PIGN: variants seen among roughly 807,000 people sequenced by gnomAD.
PIGN encodes phosphatidylinositol glycan anchor biosynthesis class N, also known as GPI ethanolamine phosphate transferase 1.
Under a neutral mutation model 125.4 loss-of-function variants are expected in PIGN, and 117 were observed. The observed-to-expected ratio is 0.93, with a 90% CI of 0.80 to 1.09. The LOEUF (loss-of-function observed/expected upper bound fraction) is 1.09, where lower values mean the gene tolerates loss of function less well. Ranked by LOEUF, PIGN falls within the 50% of genes least tolerant of loss-of-function variation. PIGN has a pLI of 0.00. For synonymous variants in PIGN, 392 were observed against 377.8 expected, an observed-to-expected ratio of 1.04 and a Z score of -0.44; for missense variants, 1,075 against 1,094.9, an observed-to-expected ratio of 0.98 and a Z score of 0.26.
At chr18:62,103,001 A>G (rs1361667529) in intron 20 of PIGN, 99 bp from the exon 21 acceptor site, 4 of 536,494 alleles carry the variant, frequency 7.5e-6, no homozygotes, top group African/African-American at 5.9e-5. Context: ...AGAACCTCTC[A>G]GTCATTTGGC....
rs114669080 is a variant in PIGN, at chr18:62,025,547, C to T, written c.2143-7806G>A. ...CAGCCAGGGACTATTTCACAAAAGACGTTACATGCCATGCTTAGCACTCCC... is the reference window on the plus strand; with the variant it reads ...CAGCCAGGGACTATTTCACAAAAGATGTTACATGCCATGCTTAGCACTCCC... On this transcript the variant is annotated intron_variant, in intron 23 of 24. Coordinates refer to the PIGN transcript ENST00000639600. Among the ~76,000 whole-genome samples the T allele has an allele frequency of 7.4e-3, 1,120 of 152,276 alleles. 18 individuals are homozygous for T. Among genetic ancestry groups the T allele is most frequent in the African/African-American group, 0.025 (1,055 of 41,556 alleles).
intron 23 of PIGN, among the ~76,000 whole-genome samples, chr18:62,028,014 A>C (rs2030147083): frequency 1.3e-5 from 2 of 152,256 alleles, no homozygotes; most frequent in Admixed American, 6.5e-5. Flanking sequence ...ATCAGCATAC[A>C]GTGCATTCCA....
chr18:62,036,752 C>G (rs1256125993), downstream of PIGN, among the ~76,000 whole-genome samples: 2 of 152,182 alleles, frequency 1.3e-5, no homozygotes, highest in Non-Finnish European at 2.9e-5. Flanking sequence ...TGAAAGAATC[C>G]TTATCTTAGC....
rs1395030519 is a variant in PIGN at position 62,167,654 on chromosome 18, A to C, written c.-235-3998T>G. Among the ~76,000 whole-genome samples, 13 of 138,968 alleles carry C rather than the reference A, an allele frequency of 9.4e-5. 1 individual carries two copies. The South Asian group carries it at 2.6e-3, about 27-fold the overall frequency. The allele number at this position is 138,968 out of a possible 152,430, so 91.2% of individuals were successfully genotyped here. ...CTCAAAAAAAAAAAACAAAAAAAAAACAAAGTTATATGTCTCCATAACACA... is the reference window on the plus strand; with the variant it reads ...CTCAAAAAAAAAAAACAAAAAAAAACCAAAGTTATATGTCTCCATAACACA... On this transcript the variant is annotated intron_variant, in intron 1 of 30. Transcript: ENST00000640252.
intron 8 of PIGN, among the ~76,000 whole-genome samples, chr18:62,147,324 G>C (rs1010289047): frequency 2.6e-5 from 4 of 152,142 alleles, no homozygotes; most frequent in African/African-American, 9.7e-5. Context: ...AAAAGGAGGG[G>C]AATGATTAAC....
chr18:62,181,248 C>G (rs942910727), intron 1 of PIGN, among the ~76,000 whole-genome samples: 3 of 152,022 alleles, frequency 2.0e-5, no homozygotes, highest in Non-Finnish European at 4.4e-5. Context: ...TAATGAAATA[C>G]CATATTTCTG....
intron 25 of PIGN, among the ~76,000 whole-genome samples, 161 bp from the exon 26 acceptor site, chr18:62,085,425 A>T (rs930551467): frequency 6.6e-6 from 1 of 152,168 alleles, no homozygotes; most frequent in African/African-American, 2.4e-5. Flanking sequence ...TTGTGAATGC[A>T]TTTTAAAACA....
chr18:62,047,852 A>T (rs941266999), intron 30 of PIGN, among the ~76,000 whole-genome samples: 1 of 152,228 alleles, frequency 6.6e-6, no homozygotes, highest in African/African-American at 2.4e-5. Context: ...ACTGATATCA[A>T]AACCTAAATA....
chr18:62,061,519 AAAAAAAAAAAAAAAAAAAAT>A (rs2032135648), intron 30 of PIGN, among the ~76,000 whole-genome samples: 1 of 71,214 alleles, frequency 1.4e-5, no homozygotes, highest in Non-Finnish European at 3.2e-5. Context: ...CTCAAAAAAA[AAAAAAAAAAAAAAAAAAAAT>A]GCAATAAAAT....
chr18:62,089,444 T>A (rs756800174), intron 24 of PIGN, among the ~76,000 whole-genome samples: 6 of 152,144 alleles, frequency 3.9e-5, no homozygotes, highest in Non-Finnish European at 7.4e-5. Flanking sequence ...CTACTTCCCA[T>A]GTAATTTTCT....
chr18:62,120,941 G>A (rs940503506), intron 14 of PIGN, among the ~76,000 whole-genome samples: 2 of 152,076 alleles, frequency 1.3e-5, no homozygotes, highest in African/African-American at 4.8e-5. Flanking sequence ...AGTCAATTAT[G>A]TGCTACTTAC....
At position 62,076,224 on chromosome 18, in the gene PIGN, C is replaced by G. The variant is rs903867368; in HGVS notation, c.2577-1403G>C. Reference sequence around the variant, plus strand: ...CTGGGATTACAGGCATGAGCCACCACGCCCAACCCATTGTGGTTTTACATG... The same window carrying G: ...CTGGGATTACAGGCATGAGCCACCAGGCCCAACCCATTGTGGTTTTACATG... On this transcript the variant is annotated intron_variant, in intron 28 of 30. Coordinates refer to ENST00000640252, the MANE Select transcript of PIGN (RefSeq NM_176787.5). Among the ~76,000 whole-genome samples, 10 of 152,328 alleles carry G rather than the reference C, an allele frequency of 6.6e-5. No homozygotes were observed. In the South Asian group the frequency reaches 2.1e-3, roughly 32 times the overall value.
intron 14 of PIGN, among the ~76,000 whole-genome samples, chr18:62,134,749 A>T (rs928944823): frequency 6.6e-6 from 1 of 152,256 alleles, no homozygotes; most frequent in Non-Finnish European, 1.5e-5. Flanking sequence ...GATCCACATG[A>T]CAATGTTCAA....
At chr18:62,033,058 A>G (rs1481379689) in intron 23 of PIGN, among the ~76,000 whole-genome samples, 1 of 152,238 alleles carries the variant, frequency 6.6e-6, no homozygotes, top group Non-Finnish European at 1.5e-5. Flanking sequence ...AAGCTGGGCC[A>G]CAGAGGACGC....
Position 62,045,892 on chromosome 18 carries a change from G to A in PIGN, c.2760C>T (p.Leu920=), listed in dbSNP as rs761422148. 3 of 1,613,852 alleles carry A rather than the reference G, an allele frequency of 1.9e-6. No individual in the cohort carries two copies. Among genetic ancestry groups the A allele is most frequent in the Non-Finnish European group, 2.5e-6 (3 of 1,179,812 alleles). Residue 920 remains leucine, a synonymous_variant, in exon 31 of 31, where the codon CTC becomes CTT. Transcript: ENST00000640252. The part of the protein sequence containing the change: ...GLAQLLTTKK[L]RLCGKPKSHF... ...GACTTTTGGGTTTGCCACATAGTCT[G>A]AGTTTCTTCGTTGTGAGCAGCTGGG...
At chr18:62,155,655 A>C (rs1342261211) in intron 6 of PIGN, among the ~76,000 whole-genome samples, 3 of 152,210 alleles carry the variant, frequency 2.0e-5, no homozygotes, top group Non-Finnish European at 4.4e-5. Context: ...CCTATTCCAC[A>C]GCTCAGCCAT....
intron 1 of PIGN, among the ~76,000 whole-genome samples, chr18:62,164,653 G>A (rs892636781): frequency 5.9e-5 from 9 of 152,140 alleles, no homozygotes; most frequent in Non-Finnish European, 1.0e-4. Context: ...ATTACAATTC[G>A]AGATGGGATT....
intron 24 of PIGN, among the ~76,000 whole-genome samples, chr18:62,089,376 A>C (rs1401820715): frequency 3.3e-5 from 5 of 152,118 alleles, no homozygotes. Flanking sequence ...CTCTTGCTTA[A>C]TCACCCTCCA....
At chr18:62,161,545 A>T (rs948775510) in intron 3 of PIGN, among the ~76,000 whole-genome samples, 160 bp from the exon 4 acceptor site, 1 of 152,224 alleles carries the variant, frequency 6.6e-6, no homozygotes. Flanking sequence ...GCACTATTTA[A>T]TAATGTGACA....
Sources: allele counts gnomAD v4.1 joint callset (sites outside exome capture counted in the v4.1 genomes callset), GRCh38; gene constraint gnomAD v4.1.1; transcripts MANE v1.5; gene names NCBI Gene and HGNC (gene_info 2026-07-23, HGNC 2026-07-21).